RUNDC3B: variants seen among roughly 807,000 people sequenced by gnomAD.
RUNDC3B encodes RUN domain containing 3B.
Under a neutral mutation model 58.4 loss-of-function variants are expected in RUNDC3B, and 33 were observed. The ratio of observed to expected loss-of-function variants is 0.56; its 90% CI spans 0.43 to 0.75. The LOEUF is 0.75. RUNDC3B is among the 30% of genes least tolerant of loss of function. The pLI is 0.00. For synonymous variants in RUNDC3B, 193 were observed against 195.2 expected (o/e 0.99, Z 0.10); for missense variants, 501 against 535.7 (o/e 0.94, Z 0.64).
At chr7:87,819,707 C>G (rs1165832806) in intron 10 of RUNDC3B, among the ~76,000 whole-genome samples, 1 of 152,208 alleles carries the variant, frequency 6.6e-6, no homozygotes, top group Non-Finnish European at 1.5e-5. Context: ...ACAGTGCAAT[C>G]AAACTAGAAC....
chr7:87,826,705 G>A (rs557424833), intron 10 of RUNDC3B, among the ~76,000 whole-genome samples: 2 of 152,188 alleles, frequency 1.3e-5, no homozygotes, highest in African/African-American at 2.4e-5. Context: ...CAAGAACAAC[G>A]TTTGGAAGTA....
chr7:87,740,514 A>G (rs1325189662), intron 5 of RUNDC3B, among the ~76,000 whole-genome samples: 1 of 152,138 alleles, frequency 6.6e-6, no homozygotes, highest in African/African-American at 2.4e-5. Context: ...AGGTTTGTCT[A>G]TAAGAAAACT....
Position 87,770,731 on chromosome 7 carries a change from G to C in RUNDC3B, c.780G>C (p.Gln260His), listed in dbSNP as rs1434910982. 9 of 1,611,274 alleles carry C rather than the reference G, an allele frequency of 5.6e-6. No homozygotes were observed. In the East Asian group the frequency reaches 1.8e-4, roughly 32 times the overall value. Reference sequence around the variant, plus strand: ...GTAAGAGAGTTAAACAAAAGTATCAGCTTACCCTGGAACAGAAGGTATTTT... The same window carrying C: ...GTAAGAGAGTTAAACAAAAGTATCACCTTACCCTGGAACAGAAGGTATTTT... ...NKCKRVKQKY[Q>H]LTLEQKGYLE... Residue 260 changes from glutamine (Q) to histidine (H), a missense_variant, in exon 7 of 11, where the codon CAG becomes CAC. Transcript: ENST00000394654.
chr7:87,798,383 A>T (rs1835926059), intron 8 of RUNDC3B, among the ~76,000 whole-genome samples: 2 of 152,198 alleles, frequency 1.3e-5, no homozygotes, highest in Admixed American at 6.5e-5. Flanking sequence ...ATTACAAAAC[A>T]CTTCTTGTTT....
chr7:87,725,555 G>C (rs1831175742), intron 4 of RUNDC3B, among the ~76,000 whole-genome samples: 1 of 152,166 alleles, frequency 6.6e-6, no homozygotes, highest in South Asian at 2.1e-4. Context: ...AAACATATGT[G>C]TGCATGTGTC....
In RUNDC3B at chr7:87,628,580, C is replaced by CGTGTGTGTGTGTGT. The variant is rs1430415147; in HGVS notation, c.-241_-240insTGTGTGTGTGTGTG. ...GCGCCGAGGGCGGAGGTGGTGCGTG[C>CGTGTGTGTGTGTGT]GTGCGTGTGTGTGTGTGTGTGTGTG... On this transcript the variant is annotated 5_prime_UTR_variant, in exon 1 of 11. Coordinates refer to ENST00000394654, the MANE Select transcript of RUNDC3B (RefSeq NM_001134405.2). 4 of 292,756 alleles carry CGTGTGTGTGTGTGT rather than the reference C, an allele frequency of 1.4e-5. No homozygotes were observed. The highest frequency in any genetic ancestry group is 6.3e-5 in the African/African-American group (2 of 31,540). The allele number at this position is 292,756 out of a possible 1,614,324, so 18.1% of individuals were successfully genotyped here.
At position 87,799,616 on chromosome 7, in the gene RUNDC3B, C is replaced by T. The variant is rs554747507; in HGVS notation, c.957-7757C>T. Among the ~76,000 whole-genome samples, 113 of 152,110 alleles carry T rather than the reference C, an allele frequency of 7.4e-4. 1 individual carries two copies. Among genetic ancestry groups the T allele is most frequent in the African/African-American group, 2.3e-3 (97 of 41,494 alleles). ...CTTAAGAATTACACAAGGCCAGGCGCGGTGGTTCATGCCTGTAATCGCAGC... is the reference window on the plus strand; with the variant it reads ...CTTAAGAATTACACAAGGCCAGGCGTGGTGGTTCATGCCTGTAATCGCAGC... On this transcript the variant is annotated intron_variant, in intron 8 of 10. Transcript: ENST00000394654.
intron 10 of RUNDC3B, among the ~76,000 whole-genome samples, chr7:87,829,352 A>T (rs1838010107): frequency 6.6e-6 from 1 of 151,844 alleles, no homozygotes; most frequent in African/African-American, 2.4e-5. Flanking sequence ...GTTTTGTTGC[A>T]ATTGCTTTTA....
chr7:87,641,997 CATG>C (rs1298655530), intron 1 of RUNDC3B, among the ~76,000 whole-genome samples: 1 of 151,912 alleles, frequency 6.6e-6, no homozygotes, highest in East Asian at 1.9e-4. Flanking sequence ...TGTATCTTAA[CATG>C]ATAAGAAAAT....
intron 2 of RUNDC3B, among the ~76,000 whole-genome samples, chr7:87,656,264 A>G (rs1004230775): frequency 1.3e-5 from 2 of 152,090 alleles, no homozygotes; most frequent in Non-Finnish European, 2.9e-5. Context: ...AAAAATTTTT[A>G]AATAATTTTT....
In RUNDC3B at chr7:87,728,173, A is replaced by G. The variant is rs73706909; in HGVS notation, c.459-11618A>G. On this transcript the variant is annotated intron_variant, in intron 4 of 10. Coordinates refer to ENST00000394654, the MANE Select transcript of RUNDC3B (RefSeq NM_001134405.2). ...TTATTTTCTATGATAGAAATCTGCT[A>G]TAAAATTCATACAAGATCCTTTGTC... is the stretch of plus-strand genomic sequence containing the variant. Among the ~76,000 whole-genome samples the G allele has an allele frequency of 6.1e-3, 930 of 152,310 alleles. 9 individuals are homozygous for G. Among genetic ancestry groups the G allele is most frequent in the African/African-American group, 0.022 (901 of 41,590 alleles).
At position 87,816,225 on chromosome 7, in the gene RUNDC3B, A is replaced by G. The variant is rs1433160715; in HGVS notation, c.1188A>G (p.Gly396=). The change falls in exon 10 of 11, where the codon GGA becomes GGG. Residue 396 remains glycine (G), a synonymous_variant. Coordinates refer to ENST00000394654, the MANE Select transcript of RUNDC3B (RefSeq NM_001134405.2). ...TSLDPGQSQE[G]DGKQDTLNVM... is the part of the protein sequence containing the mutation. ...TAGATCCAGGCCAGTCACAAGAAGG[A>G]GATGGAAAACAAGACACATTAAATG... 13 of 1,611,750 alleles carry G rather than the reference A, an allele frequency of 8.1e-6. No homozygotes were observed. The highest frequency in any genetic ancestry group is 1.1e-5 in the Non-Finnish European group (13 of 1,178,154).
At chr7:87,704,913 A>G (rs1829453174) in intron 3 of RUNDC3B, among the ~76,000 whole-genome samples, 1 of 152,246 alleles carries the variant, frequency 6.6e-6, no homozygotes, top group African/African-American at 2.4e-5. Flanking sequence ...ATTGAGGCTT[A>G]CAGCTGCAAT....
chr7:87,689,683 G>T (rs1348660683), intron 2 of RUNDC3B, among the ~76,000 whole-genome samples: 1 of 151,820 alleles, frequency 6.6e-6, no homozygotes, highest in Non-Finnish European at 1.5e-5. Flanking sequence ...ATTTTAGGAG[G>T]GTATCATAAT....
At chr7:87,760,587 G>T (rs1053226743) in intron 6 of RUNDC3B, among the ~76,000 whole-genome samples, 1 of 151,894 alleles carries the variant, frequency 6.6e-6, no homozygotes, top group Non-Finnish European at 1.5e-5. Context: ...TTTCTACAAA[G>T]CTCCAGTAAT....
chr7:87,772,057 C>G (rs1407056295), intron 7 of RUNDC3B, among the ~76,000 whole-genome samples: 1 of 151,996 alleles, frequency 6.6e-6, no homozygotes, highest in Non-Finnish European at 1.5e-5. Context: ...AGTAGAACAG[C>G]ATTCCATAGT....
intron 1 of RUNDC3B, among the ~76,000 whole-genome samples, chr7:87,635,692 G>T (rs1413317205): frequency 2.0e-5 from 3 of 152,124 alleles, no homozygotes; most frequent in Admixed American, 6.5e-5. Context: ...CATTTTTGTG[G>T]TAGGGCACAA....
intron 10 of RUNDC3B, among the ~76,000 whole-genome samples, chr7:87,819,839 C>T (rs1253435340): frequency 6.6e-6 from 1 of 152,018 alleles, no homozygotes; most frequent in Non-Finnish European, 1.5e-5. Flanking sequence ...TTGAAACCAA[C>T]GAGAACAAAG....
At chr7:87,766,405 C>G (rs1833980812) in intron 6 of RUNDC3B, among the ~76,000 whole-genome samples, 1 of 152,022 alleles carries the variant, frequency 6.6e-6, no homozygotes, top group Non-Finnish European at 1.5e-5. Flanking sequence ...ATGTTTAGAG[C>G]TCCTTTGATC....
Sources: allele counts gnomAD v4.1 joint callset (sites outside exome capture counted in the v4.1 genomes callset), GRCh38; gene constraint gnomAD v4.1.1; transcripts MANE v1.5; gene names NCBI Gene and HGNC (gene_info 2026-07-23, HGNC 2026-07-21).